LHFPL2: variants seen among roughly 807,000 people sequenced by gnomAD.
LHFPL2 encodes the protein LHFPL tetraspan subfamily member 2 protein.
In LHFPL2, 7 loss-of-function variants were observed where a neutral mutation model predicts 17.5. The ratio of observed to expected loss-of-function variants is 0.40; its 90% CI spans 0.23 to 0.75. The LOEUF (loss-of-function observed/expected upper bound fraction) is 0.75, where lower values mean the gene tolerates loss of function less well. Among genes scored for constraint, LHFPL2 ranks in the 30% least tolerant of loss-of-function variants. The pLI, the probability that LHFPL2 is intolerant of heterozygous loss-of-function variation, is 0.37. For missense variants in LHFPL2, 241 were observed against 294.8 expected (o/e 0.82, Z 1.34); for synonymous variants, 134 against 116.2 (o/e 1.15, Z -0.99).
At chr5:78,644,295 TCTTC>T in intron 1 of LHFPL2, 4 of 1,076,684 alleles carry the variant, frequency 3.7e-6, no homozygotes, top group Non-Finnish European at 5.5e-6. Context: ...ATCTTCCTCC[TCTTC>T]CTTCTTTTTC....
Position 78,550,564 on chromosome 5 carries a change from T to TTTTATTTA in LHFPL2, c.-186+14241_-186+14248dup, listed in dbSNP as rs71001113. The stretch of plus-strand genomic sequence containing the variant: ...TCCTCTTTACTTCTGTTTTATTTAT[T>TTTTATTTA]TTTATTTATTTATTTATTTATTTTG... On this transcript the variant is annotated intron_variant, in intron 3 of 4. Coordinates refer to ENST00000380345, the MANE Select transcript of LHFPL2 (RefSeq NM_005779.3). Among the ~76,000 whole-genome samples the TTTTATTTA allele has an allele frequency of 4.3e-4, 65 of 150,778 alleles. 1 individual carries two copies. Among genetic ancestry groups the TTTTATTTA allele is most frequent in the Middle Eastern group, 3.5e-3 (1 of 286 alleles).
intron 3 of LHFPL2, among the ~76,000 whole-genome samples, chr5:78,536,198 C>T (rs1043741017): frequency 2.6e-5 from 4 of 152,098 alleles, no homozygotes; most frequent in African/African-American, 4.8e-5. Flanking sequence ...GAACTCATTT[C>T]GGGGCTGGGG....
chr5:78,625,973 G>A (rs577843515), intron 2 of LHFPL2: 4 of 152,344 alleles, frequency 2.6e-5, no homozygotes, highest in Admixed American at 2.6e-4. Flanking sequence ...CTGAACAGAT[G>A]CTATTTTAAC....
intron 2 of LHFPL2, among the ~76,000 whole-genome samples, chr5:78,587,935 G>C (rs1473133582): frequency 6.6e-6 from 1 of 152,210 alleles, no homozygotes; most frequent in African/African-American, 2.4e-5. Context: ...AAGGGCAAGT[G>C]AGGTCCCAGG....
intron 2 of LHFPL2, among the ~76,000 whole-genome samples, chr5:78,578,291 AGG>A (rs1757183796): frequency 6.6e-6 from 1 of 152,226 alleles, no homozygotes; most frequent in Admixed American, 6.5e-5. Flanking sequence ...GGAGTATTAC[AGG>A]ATTTTCAAAA....
At chr5:78,636,933 T>G (rs1745469528) in intron 1 of LHFPL2, among the ~76,000 whole-genome samples, 1 of 151,776 alleles carries the variant, frequency 6.6e-6, no homozygotes, top group Admixed American at 6.6e-5. Flanking sequence ...AAGACAGCCC[T>G]TCACAAGCAA....
At chr5:78,516,411 G>A (rs59130338) in intron 3 of LHFPL2, among the ~76,000 whole-genome samples, 62,175 of 151,884 alleles carry the variant, frequency 0.41, 13,337 homozygotes, top group African/African-American at 0.53. Context: ...TGCAGGGGAC[G>A]TTTGGCAATG....
chr5:78,552,513 C>A (rs1261255450), intron 3 of LHFPL2, among the ~76,000 whole-genome samples: 2 of 152,230 alleles, frequency 1.3e-5, no homozygotes, highest in African/African-American at 4.8e-5. Context: ...AGGGATTTAG[C>A]TGCTTAACGT....
chr5:78,573,034 T>A (rs1387530396), intron 2 of LHFPL2, among the ~76,000 whole-genome samples: 1 of 152,196 alleles, frequency 6.6e-6, no homozygotes, highest in East Asian at 1.9e-4. Flanking sequence ...CTGGTCCTGC[T>A]GTGCAGCTTG....
At chr5:78,626,533 T>C (rs535317253) in intron 2 of LHFPL2, 1 of 152,306 alleles carries the variant, frequency 6.6e-6, no homozygotes, top group African/African-American at 2.4e-5. Context: ...CCTTCAGACA[T>C]TTCAGGAGAA....
At chr5:78,615,422 A>G (rs1438491606) in intron 2 of LHFPL2, among the ~76,000 whole-genome samples, 1 of 152,234 alleles carries the variant, frequency 6.6e-6, no homozygotes, top group Non-Finnish European at 1.5e-5. Context: ...AAATCACATA[A>G]TCTTAAACTG....
At chr5:78,585,426 T>C (rs1158231112) in intron 2 of LHFPL2, among the ~76,000 whole-genome samples, 7 of 152,140 alleles carry the variant, frequency 4.6e-5, no homozygotes, top group Non-Finnish European at 8.8e-5. Context: ...CCTGACTCCT[T>C]GAGCTTCCCG....
chr5:78,620,924 T>TA (rs1414294321), intron 2 of LHFPL2, among the ~76,000 whole-genome samples: 2 of 152,114 alleles, frequency 1.3e-5, no homozygotes. Flanking sequence ...ATCTCATTTT[T>TA]AAAAAGAGTT....
At chr5:78,559,510 T>C (rs1756667869) in intron 3 of LHFPL2, among the ~76,000 whole-genome samples, 1 of 152,134 alleles carries the variant, frequency 6.6e-6, no homozygotes. Context: ...AGAAGTCTCA[T>C]CAGAAAAAAG....
chr5:78,540,381 A>T (rs1047890350), intron 3 of LHFPL2, among the ~76,000 whole-genome samples: 4 of 152,248 alleles, frequency 2.6e-5, no homozygotes, highest in African/African-American at 9.6e-5. Context: ...TGGAAAAAAC[A>T]TGATGTATCT....
intron 4 of LHFPL2, among the ~76,000 whole-genome samples, chr5:78,490,734 G>A (rs1417748363): frequency 3.1e-5 from 3 of 97,914 alleles, no homozygotes; most frequent in African/African-American, 4.8e-5. Context: ...GCAAAAGAGT[G>A]AGACTCCCTC....
intron 2 of LHFPL2, among the ~76,000 whole-genome samples, chr5:78,603,062 TG>T (rs1252927141): frequency 6.6e-6 from 1 of 152,076 alleles, no homozygotes; most frequent in Admixed American, 6.5e-5. Flanking sequence ...AGCTAATTTT[TG>T]TATTTTTTTT....
At position 78,648,416 on chromosome 5, in the gene LHFPL2, G is replaced by A. The variant is rs1440221442; in HGVS notation, c.-350+83C>T. The A allele has an allele frequency of 6.6e-6, 1 of 151,708 alleles. No individual in the cohort carries two copies. The highest frequency in any genetic ancestry group is 1.5e-5 in the Non-Finnish European group (1 of 67,912). 9.4% of individuals were successfully genotyped at this position (151,708 alleles called of 1,614,324 possible). On this transcript the variant is annotated intron_variant, in intron 1 of 4. Transcript: ENST00000380345. The surrounding 1 kb of genome is among the most constrained non-coding windows in gnomAD (Gnocchi z 5.4). ...TCGGCCGGCCGCAACGGCTCCCCAT[G>A]CGCCCGCGCGGGGCGCCCACCTGGC...
At chr5:78,533,265 G>A (rs1378856292) in intron 3 of LHFPL2, among the ~76,000 whole-genome samples, 1 of 152,170 alleles carries the variant, frequency 6.6e-6, no homozygotes. Flanking sequence ...AGAGGCTGAG[G>A]AGCACTGAAC....
Sources: allele counts gnomAD v4.1 joint callset (sites outside exome capture counted in the v4.1 genomes callset), GRCh38; gene constraint gnomAD v4.1.1; non-coding constraint Gnocchi (gnomAD v3.1); transcripts MANE v1.5; gene names NCBI Gene and HGNC (gene_info 2026-07-23, HGNC 2026-07-21).